The following PPP4R2 variants were observed in gnomAD, a reference collection of about 807,000 sequenced individuals.
PPP4R2 encodes serine/threonine-protein phosphatase 4 regulatory subunit 2.
PPP4R2 carries 13 observed loss-of-function variants against 47.2 expected under a neutral mutation model. The observed-to-expected ratio is 0.28, with a 90% CI of 0.18 to 0.44. The LOEUF (loss-of-function observed/expected upper bound fraction) is 0.44. Among genes scored for constraint, PPP4R2 ranks in the 20% least tolerant of loss-of-function variants. PPP4R2 has a pLI of 1.00. For synonymous variants in PPP4R2, 151 were observed against 163.3 expected (o/e 0.92, Z 0.57); for missense variants, 421 against 491.2 (o/e 0.86, Z 1.35).
chr3:73,051,621 AGTTTGTTT>A (rs528037713), intron 3 of PPP4R2, among the ~76,000 whole-genome samples: 1 of 151,986 alleles, frequency 6.6e-6, no homozygotes, highest in African/African-American at 2.4e-5. Flanking sequence ...CCAAAGTACA[AGTTTGTTT>A]GTTTGTTTGG....
chr3:73,019,229 G>A (rs1426159615), intron 2 of PPP4R2, among the ~76,000 whole-genome samples: 1 of 152,042 alleles, frequency 6.6e-6, no homozygotes, highest in Non-Finnish European at 1.5e-5. Context: ...ATACCATGTG[G>A]GTTTGTGTAA....
At chr3:73,064,236 C>T (rs1294881635) in intron 7 of PPP4R2, 90 bp downstream of exon 7, 1 of 1,151,630 alleles carries the variant, frequency 8.7e-7, no homozygotes, top group Non-Finnish European at 1.2e-6. Flanking sequence ...TTTATAAGTT[C>T]TGAGGGACAG....
intron 2 of PPP4R2, among the ~76,000 whole-genome samples, chr3:73,009,151 G>C (rs561548034): frequency 6.9e-4 from 105 of 152,292 alleles, no homozygotes; most frequent in African/African-American, 2.5e-3. Context: ...TGTAATAGAT[G>C]ATCTCCAAGG....
intron 5 of PPP4R2, 28 bp downstream of exon 5, chr3:73,061,088 T>C: frequency 9.5e-7 from 1 of 1,053,758 alleles, no homozygotes; most frequent in Non-Finnish European, 1.4e-6. Flanking sequence ...ATTTCTAGTA[T>C]ATTATTTACT....
intron 2 of PPP4R2, among the ~76,000 whole-genome samples, chr3:73,037,297 C>T (rs1323814865): frequency 6.6e-6 from 1 of 152,122 alleles, no homozygotes; most frequent in African/African-American, 2.4e-5. Flanking sequence ...ATTTAGATTT[C>T]TCTTTCCCTC....
chr3:73,065,355 T>G (rs1313042888), intron 8 of PPP4R2, 42 bp from the exon 9 acceptor site: 3 of 1,524,296 alleles, frequency 2.0e-6, no homozygotes, highest in African/African-American at 2.8e-5. Context: ...GGAGGTATTT[T>G]GAAAATACAA....
At position 73,066,075 on chromosome 3, in the gene PPP4R2, A is replaced by C. The variant is rs1702989446; in HGVS notation, c.*353A>C. Reference sequence around the variant, plus strand: ...TGAGATTATCACATTTAGTTTATACATATGCAAGAAGCTTTTTGTCTTGTC... The same window carrying C: ...TGAGATTATCACATTTAGTTTATACCTATGCAAGAAGCTTTTTGTCTTGTC... On this transcript the variant is annotated 3_prime_UTR_variant, in exon 9 of 9. Transcript: ENST00000356692. The C allele has an allele frequency of 6.5e-6, 1 of 154,274 alleles. No individual in the cohort carries two copies. The highest frequency in any genetic ancestry group is 1.4e-5 in the Non-Finnish European group (1 of 70,164). 9.6% of individuals were successfully genotyped at this position (154,274 alleles called of 1,614,324 possible).
chr3:73,052,243 TTTC>T (rs1162592842), intron 3 of PPP4R2, among the ~76,000 whole-genome samples: 1 of 150,242 alleles, frequency 6.7e-6, no homozygotes, highest in African/African-American at 2.5e-5. Context: ...ATTTCTTTCT[TTTC>T]TTTTTTTTTT....
intron 2 of PPP4R2, among the ~76,000 whole-genome samples, chr3:73,031,780 C>T (rs769730509): frequency 1.3e-5 from 2 of 152,148 alleles, no homozygotes; most frequent in African/African-American, 2.4e-5. Context: ...TTAATGCCAT[C>T]TCAGAACACT....
chr3:73,051,596 T>C (rs1474890126), intron 3 of PPP4R2, among the ~76,000 whole-genome samples: 2 of 152,178 alleles, frequency 1.3e-5, no homozygotes, highest in Admixed American at 6.5e-5. Flanking sequence ...TTTCTAAAAT[T>C]ATTTTAGTAT....
At chr3:73,040,038 G>GT (rs760760464) in intron 2 of PPP4R2, among the ~76,000 whole-genome samples, 15 of 152,260 alleles carry the variant, frequency 9.9e-5, no homozygotes, top group Non-Finnish European at 1.8e-4. Context: ...GGCGACAAGA[G>GT]TGAAACTCTG....
At chr3:73,007,472 T>C (rs1343045654) in intron 2 of PPP4R2, among the ~76,000 whole-genome samples, 1 of 106,272 alleles carries the variant, frequency 9.4e-6, no homozygotes, top group East Asian at 2.4e-4. Flanking sequence ...TTTTTTCTGT[T>C]TTTTGTTTTT....
intron 2 of PPP4R2, among the ~76,000 whole-genome samples, chr3:73,006,852 C>T (rs900805684): frequency 1.3e-5 from 2 of 152,210 alleles, no homozygotes; most frequent in Non-Finnish European, 2.9e-5. Context: ...TTCTCCTGTT[C>T]CTAGGCCTTT....
At chr3:73,063,780 T>G in intron 6 of PPP4R2, 33 bp downstream of exon 6, 1 of 1,416,404 alleles carries the variant, frequency 7.1e-7, no homozygotes, top group Non-Finnish European at 1.0e-6. Flanking sequence ...CCTACAGAGT[T>G]TGCATTGTCC....
chr3:73,031,621 C>T (rs1575861593), intron 2 of PPP4R2, among the ~76,000 whole-genome samples: 1 of 151,902 alleles, frequency 6.6e-6, no homozygotes, highest in African/African-American at 2.4e-5. Context: ...GGAAAAGCAA[C>T]GTTGGGTGGA....
chr3:73,039,594 T>C (rs1702335550), intron 2 of PPP4R2, among the ~76,000 whole-genome samples: 1 of 152,198 alleles, frequency 6.6e-6, no homozygotes, highest in Non-Finnish European at 1.5e-5. Flanking sequence ...GGACAATTTT[T>C]GACTCCCAAG....
At chr3:73,019,593 C>T (rs1249485008) in intron 2 of PPP4R2, among the ~76,000 whole-genome samples, 1 of 152,172 alleles carries the variant, frequency 6.6e-6, no homozygotes, top group African/African-American at 2.4e-5. Flanking sequence ...AGGCTGGTCT[C>T]GAACTCCTGA....
chr3:73,058,160 G>A (rs1702767519), intron 3 of PPP4R2, among the ~76,000 whole-genome samples: 1 of 151,942 alleles, frequency 6.6e-6, no homozygotes, highest in Non-Finnish European at 1.5e-5. Flanking sequence ...TATTTACTGT[G>A]GTCAAGGAAA....
chr3:73,010,289 C>T (rs903197878), intron 2 of PPP4R2, among the ~76,000 whole-genome samples: 2 of 152,098 alleles, frequency 1.3e-5, no homozygotes, highest in African/African-American at 4.8e-5. Flanking sequence ...GTGGTGCCAT[C>T]ATGGCCCACT....
Sources: gnomAD v4.1 joint callset for allele counts (sites outside exome capture counted in the v4.1 genomes callset) on GRCh38, gnomAD v4.1.1 for gene constraint, MANE v1.5 for transcripts, NCBI Gene and HGNC (gene_info 2026-07-23, HGNC 2026-07-21) for gene names.